DPP10: variants seen among roughly 807,000 people sequenced by gnomAD.
DPP10 encodes the protein dipeptidyl peptidase like 10.
In DPP10, 33 loss-of-function variants were observed where a neutral mutation model predicts 120.9. The observed-to-expected ratio is 0.27, with a 90% confidence interval of 0.21 to 0.37. DPP10 has a LOEUF of 0.37. DPP10 is among the 10% of genes least tolerant of loss of function. The pLI is 1.00. For synonymous variants in DPP10, 337 were observed against 326.1 expected, an observed-to-expected ratio of 1.03 and a Z score of -0.36; for missense variants, 816 against 942.8, an observed-to-expected ratio of 0.87 and a Z score of 1.76.
intron 1 of DPP10, among the ~76,000 whole-genome samples, chr2:114,625,286 A>G (rs1463810544): frequency 1.3e-5 from 2 of 151,968 alleles, no homozygotes; most frequent in Non-Finnish European, 2.9e-5. Context: ...CTTTAACAAG[A>G]TCTTCTAGCC....
intron 3 of DPP10, among the ~76,000 whole-genome samples, chr2:115,422,666 C>T (rs1382142214): frequency 6.6e-6 from 1 of 151,762 alleles, no homozygotes; most frequent in Non-Finnish European, 1.5e-5. Flanking sequence ...TGATTTTAGT[C>T]CTTTAAATAA....
At chr2:115,763,141 A>G (rs1464241836) in intron 12 of DPP10, among the ~76,000 whole-genome samples, 1 of 152,186 alleles carries the variant, frequency 6.6e-6, no homozygotes, top group Admixed American at 6.6e-5. Flanking sequence ...CAACACAAAT[A>G]GCTTATTTAA....
At chr2:114,941,787 C>T (rs1696920542) in intron 1 of DPP10, among the ~76,000 whole-genome samples, 1 of 152,114 alleles carries the variant, frequency 6.6e-6, no homozygotes, top group Non-Finnish European at 1.5e-5. Flanking sequence ...TTCCTAGTTG[C>T]TATTATGAGG....
At chr2:115,573,813 T>A (rs1227896193) in intron 5 of DPP10, among the ~76,000 whole-genome samples, 3 of 152,052 alleles carry the variant, frequency 2.0e-5, no homozygotes, top group Non-Finnish European at 4.4e-5. Context: ...CCTTGACCTC[T>A]CAAAATGCTG....
chr2:115,448,292 A>C (rs1295039165), intron 3 of DPP10, among the ~76,000 whole-genome samples: 1 of 152,206 alleles, frequency 6.6e-6, no homozygotes, highest in Non-Finnish European at 1.5e-5. Context: ...TATCAGAATA[A>C]AATACCACCA....
At chr2:115,108,763 A>G (rs185318337) in intron 1 of DPP10, among the ~76,000 whole-genome samples, 99 of 152,338 alleles carry the variant, frequency 6.5e-4, no homozygotes, top group Admixed American at 2.5e-3. Context: ...GTCCTGAATG[A>G]CCTTGAGATT....
intron 1 of DPP10, among the ~76,000 whole-genome samples, chr2:115,018,796 G>A (rs937828293): frequency 6.6e-6 from 1 of 152,078 alleles, no homozygotes; most frequent in Non-Finnish European, 1.5e-5. Context: ...AACCACCATG[G>A]CAAGTGTATA....
chr2:114,724,522 A>G (rs957688312), intron 1 of DPP10, among the ~76,000 whole-genome samples: 1 of 152,150 alleles, frequency 6.6e-6, no homozygotes, highest in African/African-American at 2.4e-5. Flanking sequence ...TACACAATAG[A>G]CTCATACATA....
At chr2:115,425,160 G>T (rs2070340542) in intron 3 of DPP10, among the ~76,000 whole-genome samples, 1 of 152,160 alleles carries the variant, frequency 6.6e-6, no homozygotes, top group Non-Finnish European at 1.5e-5. Context: ...CCCTAAAAGG[G>T]TTTATTTAAT....
chr2:115,093,556 T>A (rs904165915), intron 1 of DPP10, among the ~76,000 whole-genome samples: 1 of 152,110 alleles, frequency 6.6e-6, no homozygotes, highest in Non-Finnish European at 1.5e-5. Flanking sequence ...AATAATAATT[T>A]GGTATCATGT....
At chr2:115,258,638 T>C (rs1302577894) in intron 1 of DPP10, among the ~76,000 whole-genome samples, 3 of 152,234 alleles carry the variant, frequency 2.0e-5, no homozygotes, top group African/African-American at 7.2e-5. Context: ...ATAATGATTC[T>C]ATTTTATTTC....
rs762080765 is a variant in DPP10, at chr2:115,805,700, G to A, written c.1701-9093G>A. On this transcript the variant is annotated intron_variant, in intron 19 of 25. Transcript: ENST00000410059. ...AGCTATTCTCCTGCTTCAGCCTCCC[G>A]AGTAGCTAGGATTACAGGTGCCCGT... Among the ~76,000 whole-genome samples the A allele has an allele frequency of 7.3e-5, 11 of 151,216 alleles. No individual in the cohort carries two copies. The East Asian group carries it at 1.2e-3, about 16-fold the overall frequency.
chr2:114,598,768 TG>T (rs1051393819), intron 1 of DPP10, among the ~76,000 whole-genome samples: 3 of 151,972 alleles, frequency 2.0e-5, no homozygotes, highest in African/African-American at 7.2e-5. Context: ...TTAGCTTCAT[TG>T]GGGGCAGAAT....
rs143827387 is a variant in DPP10, at chr2:114,985,372, C to G, written c.61-323867C>G. Among the ~76,000 whole-genome samples, 261 of 152,222 alleles carry G rather than the reference C, an allele frequency of 1.7e-3. 1 individual carries two copies. The highest frequency in any genetic ancestry group is 6.0e-3 in the African/African-American group (249 of 41,532). On this transcript the variant is annotated intron_variant, in intron 1 of 25. Coordinates refer to ENST00000410059, the MANE Select transcript of DPP10 (RefSeq NM_020868.6). ...CCTTATTTATTTTCTATCACATCAC[C>G]ATATTTATTTTCTTCACAGCAGTTG...
intron 8 of DPP10, among the ~76,000 whole-genome samples, chr2:115,730,570 G>A (rs763781237): frequency 9.9e-5 from 15 of 152,266 alleles, no homozygotes; most frequent in East Asian, 9.7e-4. Context: ...GTGCTGCTCC[G>A]TCCCGAATTA....
intron 3 of DPP10, among the ~76,000 whole-genome samples, chr2:115,428,739 T>C (rs948447443): frequency 5.9e-5 from 9 of 152,182 alleles, no homozygotes; most frequent in African/African-American, 1.9e-4. Context: ...TTTAACTTCC[T>C]CAGCAAGGCC....
intron 1 of DPP10, among the ~76,000 whole-genome samples, chr2:114,654,830 G>C (rs1696855366): frequency 1.3e-5 from 2 of 152,086 alleles, no homozygotes; most frequent in South Asian, 4.1e-4. Context: ...ACTGGACTAG[G>C]GGAATTGGAT....
intron 1 of DPP10, chr2:115,234,003 T>C (rs747891965): frequency 3.9e-6 from 2 of 512,110 alleles, no homozygotes; most frequent in Middle Eastern, 6.5e-4. Context: ...ATGGAGGTAG[T>C]GGGGGAAATG....
chr2:114,802,748 G>A (rs1001890515), intron 1 of DPP10, among the ~76,000 whole-genome samples: 15 of 152,120 alleles, frequency 9.9e-5, no homozygotes, highest in African/African-American at 3.4e-4. Context: ...AAATCATTAT[G>A]CTCTCACCAA....
Sources: allele counts gnomAD v4.1 joint callset (sites outside exome capture counted in the v4.1 genomes callset), GRCh38; gene constraint gnomAD v4.1.1; transcripts MANE v1.5; gene names NCBI Gene and HGNC (gene_info 2026-07-23, HGNC 2026-07-21).